CLDN14: variants seen among roughly 807,000 people sequenced by gnomAD.
CLDN14 encodes claudin-14.
Under a neutral mutation model 2.1 loss-of-function variants are expected in CLDN14, and 2 were observed. The observed-to-expected ratio is 0.96, with a 90% CI of 0.39 to 3.01. The LOEUF (loss-of-function observed/expected upper bound fraction) is 3.01, where lower values mean the gene tolerates loss of function less well. Among genes scored for constraint, CLDN14 ranks in the 30% most tolerant of loss-of-function variants. The pLI, the probability that CLDN14 is intolerant of heterozygous loss-of-function variation, is 0.09. For synonymous variants in CLDN14, 136 were observed against 154.4 expected (o/e 0.88, Z 0.88); for missense variants, 298 against 328.0 (o/e 0.91, Z 0.71).
intron 1 of CLDN14, among the ~76,000 whole-genome samples, chr21:36,463,193 A>G (rs923552738): frequency 2.0e-5 from 3 of 152,222 alleles, no homozygotes; most frequent in African/African-American, 4.8e-5. Context: ...GGCTGCGCCC[A>G]TCCAGTGGGC....
At chr21:36,477,491 G>A (rs2086792957) in intron 1 of CLDN14, 1 of 152,296 alleles carries the variant, frequency 6.6e-6, no homozygotes, top group South Asian at 2.1e-4. Flanking sequence ...AAACAGACCT[G>A]GTGTTCTAAA....
At chr21:36,490,883 C>G (rs570820609) in intron 2 of CLDN14, among the ~76,000 whole-genome samples, 43 of 152,096 alleles carry the variant, frequency 2.8e-4, no homozygotes, top group Non-Finnish European at 4.9e-4. Flanking sequence ...AACACATGAA[C>G]ATATTCAGAT....
At chr21:36,570,407 C>G (rs191709337) in intron 1 of CLDN14, among the ~76,000 whole-genome samples, 3 of 152,308 alleles carry the variant, frequency 2.0e-5, no homozygotes, top group South Asian at 2.1e-4. Context: ...CTCTTCCCAT[C>G]ATGACCTGAA....
intron 2 of CLDN14, among the ~76,000 whole-genome samples, chr21:36,492,973 G>C (rs1260876986): frequency 6.6e-6 from 1 of 152,212 alleles, no homozygotes; most frequent in African/African-American, 2.4e-5. Flanking sequence ...CTGAGCCACT[G>C]TGTCTTTGTG....
intron 1 of CLDN14, among the ~76,000 whole-genome samples, chr21:36,516,579 T>C (rs1175907723): frequency 6.6e-6 from 1 of 152,214 alleles, no homozygotes; most frequent in Non-Finnish European, 1.5e-5. Context: ...GAAATAAAAT[T>C]TTACCAACAA....
At position 36,476,022 on chromosome 21, in the gene CLDN14, C is replaced by T. The variant is rs115900808; in HGVS notation, c.-82+3473G>A. Among the ~76,000 whole-genome samples the T allele has an allele frequency of 3.5e-3, 531 of 152,240 alleles. 5 individuals carry two copies. The highest frequency in any genetic ancestry group is 0.012 in the African/African-American group (509 of 41,546). On this transcript the variant is annotated intron_variant, in intron 1 of 1. Transcript: ENST00000399135. ...ATTAGGAGCTTTAAAGAGTCCAAAA[C>T]GGTTTAACAGAGAGTCATAGTTCAG...
chr21:36,475,113 C>T (rs983396056), intron 1 of CLDN14, among the ~76,000 whole-genome samples: 4 of 152,238 alleles, frequency 2.6e-5, no homozygotes, highest in South Asian at 2.1e-4. Context: ...AGTGGTCCTG[C>T]GGGTACCATA....
chr21:36,514,618 AGAAAGTGT>A (rs769835884), intron 1 of CLDN14, among the ~76,000 whole-genome samples: 3,835 of 134,714 alleles, frequency 0.028, 69 homozygotes, highest in Admixed American at 0.039. Context: ...TTATCGTGAG[AGAAAGTGT>A]GTGTGTGTGT....
chr21:36,514,183 G>A (rs2087206454), intron 1 of CLDN14, among the ~76,000 whole-genome samples: 2 of 152,270 alleles, frequency 1.3e-5, no homozygotes, highest in East Asian at 3.9e-4. Flanking sequence ...ATCAGAAGGT[G>A]TAGCTGGGAG....
intron 2 of CLDN14, among the ~76,000 whole-genome samples, chr21:36,501,609 G>C (rs1329423011): frequency 6.6e-6 from 1 of 151,828 alleles, no homozygotes; most frequent in Non-Finnish European, 1.5e-5. Context: ...AGATCTCCTC[G>C]CTACTGTTTT....
At chr21:36,576,403 C>A (rs1383487909) in intron 1 of CLDN14, 2 of 152,234 alleles carry the variant, frequency 1.3e-5, no homozygotes, top group African/African-American at 2.4e-5. Flanking sequence ...GTTGTGAGTG[C>A]CACTCACCGT....
At chr21:36,483,098 C>A (rs372747752), upstream of CLDN14, among the ~76,000 whole-genome samples, 1 of 152,240 alleles carries the variant, frequency 6.6e-6, no homozygotes, top group East Asian at 1.9e-4. Flanking sequence ...GCACACTGGC[C>A]TCACTTCGTG....
At position 36,460,856 on chromosome 21, in the gene CLDN14, AT is replaced by A; in HGVS notation, c.*119del. 8.4e-7 allele frequency: 1 copy of A among 1,189,956 alleles called. No homozygotes were observed. The highest frequency in any genetic ancestry group is 1.2e-6 in the Non-Finnish European group (1 of 832,380). The allele number at this position is 1,189,956 out of a possible 1,614,324, so 73.7% of individuals were successfully genotyped here. A position where few individuals can be genotyped will look rare whatever the true frequency, so the allele number is the denominator to read the frequency against. On this transcript the variant is annotated 3_prime_UTR_variant, in exon 2 of 2. Coordinates refer to ENST00000399135, the MANE Select transcript of CLDN14 (RefSeq NM_001146079.2). The surrounding 1 kb of genome is among the most constrained non-coding windows in gnomAD (Gnocchi z 4.0). ...AAAGACATTTCCTCGCATTCACATT[AT>A]TTCCTTGGATACAAAAATTGCCCAG...
At chr21:36,558,363 T>C (rs1489775798) in intron 1 of CLDN14, among the ~76,000 whole-genome samples, 1 of 152,220 alleles carries the variant, frequency 6.6e-6, no homozygotes, top group Non-Finnish European at 1.5e-5. Flanking sequence ...AACTTGTAAA[T>C]TGCTTTGGGT....
chr21:36,512,180 G>A (rs2087191936), intron 1 of CLDN14, among the ~76,000 whole-genome samples: 1 of 152,144 alleles, frequency 6.6e-6, no homozygotes, highest in Admixed American at 6.5e-5. Context: ...GCCATCCTAA[G>A]CCTAGAAGAC....
intron 1 of CLDN14, among the ~76,000 whole-genome samples, chr21:36,511,522 A>G (rs2146484994): frequency 6.6e-6 from 1 of 152,232 alleles, no homozygotes; most frequent in Admixed American, 6.5e-5. Flanking sequence ...CAGCTGAGGA[A>G]CGTAAACTAA....
At chr21:36,515,672 C>CAA (rs112275304) in intron 1 of CLDN14, among the ~76,000 whole-genome samples, 137 of 85,282 alleles carry the variant, frequency 1.6e-3, no homozygotes, top group African/African-American at 2.5e-3. Flanking sequence ...GTCTCCATCT[C>CAA]AAAAAAAAAA....
intron 1 of CLDN14, among the ~76,000 whole-genome samples, chr21:36,552,777 C>T (rs1682677006): frequency 6.6e-6 from 1 of 152,180 alleles, no homozygotes; most frequent in Non-Finnish European, 1.5e-5. Context: ...GAATGTCAGG[C>T]CATTCTCAGA....
chr21:36,548,554 G>A (rs1162860235), intron 1 of CLDN14, among the ~76,000 whole-genome samples: 4 of 152,216 alleles, frequency 2.6e-5, no homozygotes, highest in Non-Finnish European at 5.9e-5. Flanking sequence ...TGGGGTCTGG[G>A]CAGCCTGGAA....
Sources: gnomAD v4.1 joint callset for allele counts (sites outside exome capture counted in the v4.1 genomes callset) on GRCh38, gnomAD v4.1.1 for gene constraint, Gnocchi (gnomAD v3.1) non-coding constraint, MANE v1.5 for transcripts, NCBI Gene and HGNC (gene_info 2026-07-23, HGNC 2026-07-21) for gene names.